The following PRKN variants were observed in gnomAD, a reference collection of about 807,000 sequenced individuals.
PRKN encodes the protein E3 ubiquitin-protein ligase parkin.
A neutral mutation model predicts 59.5 loss-of-function variants in PRKN; 56 were observed. That is an observed-to-expected ratio of 0.94 (90% CI 0.76 to 1.18). PRKN has a LOEUF of 1.18. Among genes scored for constraint, PRKN ranks in the 50% most tolerant of loss-of-function variants. PRKN has a pLI of 0.00. For missense variants in PRKN, 657 were observed against 596.4 expected (o/e 1.10, Z -1.06); for synonymous variants, 250 against 222.1 (o/e 1.13, Z -1.12).
chr6:161,778,176 G>C (rs1583151714), intron 7 of PRKN, among the ~76,000 whole-genome samples: 1 of 152,048 alleles, frequency 6.6e-6, no homozygotes, highest in African/African-American at 2.4e-5. Context: ...AGGTTGAGTG[G>C]TGACTATGCC....
At chr6:162,118,923 T>G (rs2128304903) in intron 4 of PRKN, among the ~76,000 whole-genome samples, 1 of 152,346 alleles carries the variant, frequency 6.6e-6, no homozygotes. Context: ...ATAACTCATC[T>G]GGCCACATCC....
At chr6:161,816,999 C>T (rs1180869834) in intron 6 of PRKN, among the ~76,000 whole-genome samples, 2 of 152,108 alleles carry the variant, frequency 1.3e-5, no homozygotes, top group African/African-American at 4.8e-5. Context: ...CTTTCATACA[C>T]ACACACGCAC....
chr6:162,577,794 T>C (rs1479137945), intron 1 of PRKN, among the ~76,000 whole-genome samples: 2 of 151,956 alleles, frequency 1.3e-5, no homozygotes, highest in Non-Finnish European at 2.9e-5. Flanking sequence ...CCAGGCAAGA[T>C]GGTGCATGCC....
chr6:162,548,337 G>A (rs78272914), intron 1 of PRKN, among the ~76,000 whole-genome samples: 2,912 of 150,532 alleles, frequency 0.019, 97 homozygotes, highest in African/African-American at 0.062. Flanking sequence ...AATTACAGGC[G>A]TGAGCCACCG....
intron 6 of PRKN, among the ~76,000 whole-genome samples, chr6:161,858,273 CA>C (rs1409982894): frequency 3.0e-4 from 45 of 152,272 alleles, no homozygotes; most frequent in African/African-American, 1.1e-3. Context: ...ATATGTGAAG[CA>C]AAAACTGTTA....
chr6:162,617,849 A>C (rs1016083235), intron 1 of PRKN, among the ~76,000 whole-genome samples: 1 of 152,150 alleles, frequency 6.6e-6, no homozygotes, highest in Non-Finnish European at 1.5e-5. Flanking sequence ...TACTACTTAA[A>C]GTTTATTGAG....
chr6:161,901,328 T>C (rs919352368), intron 6 of PRKN, among the ~76,000 whole-genome samples: 10 of 152,154 alleles, frequency 6.6e-5, no homozygotes, highest in African/African-American at 2.2e-4. Context: ...AGGAAAAGCA[T>C]GTCTCCAGTA....
At chr6:162,081,453 C>G (rs1365688140) in intron 4 of PRKN, among the ~76,000 whole-genome samples, 1 of 152,044 alleles carries the variant, frequency 6.6e-6, no homozygotes, top group African/African-American at 2.4e-5. Flanking sequence ...ACATTTCCAC[C>G]AGAGTTCCTG....
rs563511665 is a variant in PRKN at position 162,222,622 on chromosome 6, G to A, written c.413-21370C>T. Among the ~76,000 whole-genome samples, 15 of 152,224 alleles carry A rather than the reference G, an allele frequency of 9.9e-5. No individual in the cohort carries two copies. In the East Asian group the frequency reaches 1.2e-3, roughly 12 times the overall value. ...GAAAGGAACATGGCCCAATTAATGC[G>A]TTGATCCATCCTTGTGAGACCCTGA... On this transcript the variant is annotated intron_variant, in intron 3 of 11. Coordinates refer to ENST00000366898, the MANE Select transcript of PRKN (RefSeq NM_004562.3).
intron 4 of PRKN, among the ~76,000 whole-genome samples, chr6:162,181,688 A>G (rs1246542832): frequency 2.6e-5 from 4 of 152,188 alleles, no homozygotes; most frequent in African/African-American, 9.7e-5. Context: ...ACTAAGAATC[A>G]TAAGTAGGAA....
At chr6:162,448,472 A>G (rs371790822) in intron 1 of PRKN, among the ~76,000 whole-genome samples, 4 of 152,122 alleles carry the variant, frequency 2.6e-5, no homozygotes, top group South Asian at 4.1e-4. Context: ...TCTACACTTC[A>G]ATCCTGTCAT....
intron 6 of PRKN, among the ~76,000 whole-genome samples, chr6:161,791,110 A>G (rs773075097): frequency 2.6e-5 from 4 of 152,298 alleles, no homozygotes; most frequent in East Asian, 1.9e-4. Context: ...TTTCACCCCA[A>G]TGGGCCAGGT....
chr6:162,442,167 G>A lies in PRKN; in HGVS notation c.171+1143C>T, dbSNP rs574278068. On this transcript the variant is annotated intron_variant, in intron 2 of 11. Transcript: ENST00000366898. ...AATGACAGGAACAATTTGCATTTCT[G>A]TAGCTTCTTTGTATACCCAAATTCT... Among the ~76,000 whole-genome samples, 3 of 152,288 alleles carry A rather than the reference G, an allele frequency of 2.0e-5. No individual in the cohort carries two copies. The South Asian group carries it at 6.2e-4, about 32-fold the overall frequency.
intron 9 of PRKN, among the ~76,000 whole-genome samples, chr6:161,541,946 G>A (rs910936760): frequency 6.6e-6 from 1 of 152,130 alleles, no homozygotes; most frequent in African/African-American, 2.4e-5. Context: ...TCTATGTGCA[G>A]CTGACCCTTG....
chr6:162,604,695 T>TC (rs1186435350), intron 1 of PRKN, among the ~76,000 whole-genome samples: 3 of 126,000 alleles, frequency 2.4e-5, no homozygotes, highest in African/African-American at 9.0e-5. Context: ...TCTTTCTCTC[T>TC]CCTTTTTTTT....
At chr6:162,288,100 G>A (rs1012523543) in intron 2 of PRKN, among the ~76,000 whole-genome samples, 11 of 152,088 alleles carry the variant, frequency 7.2e-5, no homozygotes, top group African/African-American at 1.7e-4. Context: ...CCCCACTGAC[G>A]GAAGCACTGA....
chr6:161,816,590 T>C (rs893959254), intron 6 of PRKN, among the ~76,000 whole-genome samples: 25 of 152,080 alleles, frequency 1.6e-4, no homozygotes, highest in Admixed American at 5.2e-4. Flanking sequence ...AAGATTTTCA[T>C]ATGTGGCTGT....
chr6:162,159,605 G>T (rs1256696469), intron 4 of PRKN, among the ~76,000 whole-genome samples: 1 of 152,114 alleles, frequency 6.6e-6, no homozygotes, highest in Non-Finnish European at 1.5e-5. Context: ...TGACAAGAAA[G>T]TTCTAAATTT....
At chr6:162,636,533 C>T (rs1198334004) in intron 1 of PRKN, among the ~76,000 whole-genome samples, 1 of 152,206 alleles carries the variant, frequency 6.6e-6, no homozygotes, top group East Asian at 1.9e-4. Context: ...ATTAGATGAA[C>T]TCAGGCAAAT....
Sources: allele counts gnomAD v4.1 joint callset (sites outside exome capture counted in the v4.1 genomes callset), GRCh38; gene constraint gnomAD v4.1.1; transcripts MANE v1.5; gene names NCBI Gene and HGNC (gene_info 2026-07-23, HGNC 2026-07-21).